The following CSMD1 variants were observed in gnomAD, a reference collection of about 807,000 sequenced individuals.
The protein encoded by CSMD1 is CUB and Sushi multiple domains 1.
CSMD1 carries 213 observed loss-of-function variants against 417.5 expected under a neutral mutation model. That is an observed-to-expected ratio of 0.51 (90% CI 0.46 to 0.57). CSMD1 has a LOEUF of 0.57. CSMD1 is among the 20% of genes least tolerant of loss of function. CSMD1 has a pLI of 0.00. For synonymous variants in CSMD1, 2,862 were observed against 1,736.8 expected (o/e 1.65, Z -16.11); for missense variants, 6,923 against 4,529.7 (o/e 1.53, Z -15.17).
chr8:3,128,029 G>GA (rs1817602603), intron 41 of CSMD1: 1 of 151,948 alleles, frequency 6.6e-6, no homozygotes, highest in Admixed American at 6.6e-5. Context: ...AAACCTAAAA[G>GA]AAAAGGAAGT....
intron 49 of CSMD1, among the ~76,000 whole-genome samples, chr8:3,055,349 A>G (rs1033121131): frequency 6.6e-6 from 1 of 152,202 alleles, no homozygotes; most frequent in Non-Finnish European, 1.5e-5. Flanking sequence ...TTTGAACCAC[A>G]GTGTTTAGCC....
intron 1 of CSMD1, among the ~76,000 whole-genome samples, chr8:4,976,506 C>A (rs1810569099): frequency 2.0e-5 from 3 of 152,038 alleles, no homozygotes; most frequent in Non-Finnish European, 4.4e-5. Context: ...GTTTTTTATC[C>A]TTACCTCTGT....
chr8:4,345,876 C>A (rs925211460), intron 3 of CSMD1, among the ~76,000 whole-genome samples: 1 of 152,108 alleles, frequency 6.6e-6, no homozygotes. Context: ...CACTGACAGG[C>A]AGACAGGTGA....
At chr8:3,293,469 G>C (rs1002798307) in intron 25 of CSMD1, among the ~76,000 whole-genome samples, 26 of 152,186 alleles carry the variant, frequency 1.7e-4, no homozygotes, top group African/African-American at 5.5e-4. Flanking sequence ...ACACCAATCA[G>C]ACGTAGATTC....
chr8:4,943,485 G>A (rs1466871313), intron 1 of CSMD1, among the ~76,000 whole-genome samples: 2 of 132,226 alleles, frequency 1.5e-5, no homozygotes, highest in South Asian at 5.4e-4. Context: ...GACAGAGTGA[G>A]ACACCGTCTC....
chr8:3,162,410 T>C (rs1819954522), intron 37 of CSMD1, 133 bp from the exon 38 acceptor site: 1 of 648,066 alleles, frequency 1.5e-6, no homozygotes. Context: ...TCTCTTGTTA[T>C]TCTACCAAGA....
At chr8:4,730,955 T>A (rs1047522713) in intron 1 of CSMD1, among the ~76,000 whole-genome samples, 1 of 152,054 alleles carries the variant, frequency 6.6e-6, no homozygotes, top group Non-Finnish European at 1.5e-5. Flanking sequence ...TTCCTGCCTA[T>A]TGGGGTGATT....
chr8:4,236,929 A>G (rs1482217339), intron 3 of CSMD1, among the ~76,000 whole-genome samples: 2 of 152,226 alleles, frequency 1.3e-5, no homozygotes, highest in Admixed American at 1.3e-4. Flanking sequence ...TTGTAATCAG[A>G]AACAAGTTCA....
At chr8:4,006,146 T>C (rs923294149) in intron 4 of CSMD1, among the ~76,000 whole-genome samples, 3 of 152,152 alleles carry the variant, frequency 2.0e-5, no homozygotes, top group African/African-American at 7.2e-5. Context: ...CCACAGATGA[T>C]TTATGTACTG....
At chr8:4,266,300 G>A (rs1366089736) in intron 3 of CSMD1, among the ~76,000 whole-genome samples, 1 of 104,536 alleles carries the variant, frequency 9.6e-6, no homozygotes, top group African/African-American at 2.6e-5. Context: ...TTCTATGTAA[G>A]AGAAACTGTC....
At chr8:4,136,687 T>A (rs920312198) in intron 3 of CSMD1, among the ~76,000 whole-genome samples, 1 of 152,148 alleles carries the variant, frequency 6.6e-6, no homozygotes, top group African/African-American at 2.4e-5. Context: ...GTGCTGTGAG[T>A]CTTCAGAGAC....
rs1362295990 is a variant in CSMD1, at chr8:4,744,156, T to C, written c.86-106598A>G. On this transcript the variant is annotated intron_variant, in intron 1 of 69. Coordinates refer to ENST00000635120, the MANE Select transcript of CSMD1 (RefSeq NM_033225.6). ...GGGACGCCAATTTCTTTGGGTTCCC[T>C]ATAAAGAGCGTCGCAGTCCAGGCCA... 2.6e-5 allele frequency among the ~76,000 whole-genome samples: 4 copies of C among 152,264 alleles called. No homozygotes were observed. The East Asian group carries it at 7.7e-4, about 29-fold the overall frequency.
chr8:4,289,242 T>C (rs1255659116), intron 3 of CSMD1, among the ~76,000 whole-genome samples: 2 of 152,230 alleles, frequency 1.3e-5, no homozygotes, highest in Admixed American at 1.3e-4. Context: ...CATATTGTTA[T>C]TCAACTGTTT....
At chr8:4,255,656 T>C (rs1803405216) in intron 3 of CSMD1, among the ~76,000 whole-genome samples, 3 of 152,206 alleles carry the variant, frequency 2.0e-5, no homozygotes, top group African/African-American at 7.2e-5. Flanking sequence ...TATTTTGGAC[T>C]TTGCTAATAT....
chr8:4,656,041 GT>G (rs1374306064), intron 1 of CSMD1, among the ~76,000 whole-genome samples: 1 of 152,092 alleles, frequency 6.6e-6, no homozygotes, highest in East Asian at 1.9e-4. Context: ...GAGATGAGTA[GT>G]GTTATGGAAG....
intron 1 of CSMD1, among the ~76,000 whole-genome samples, chr8:4,642,615 C>A (rs189849582): frequency 6.6e-6 from 1 of 152,284 alleles, no homozygotes; most frequent in Admixed American, 6.5e-5. Flanking sequence ...GCTGGGTGGG[C>A]ATTCTCAGAA....
intron 3 of CSMD1, among the ~76,000 whole-genome samples, chr8:4,367,919 T>C (rs1802178722): frequency 6.6e-6 from 1 of 152,190 alleles, no homozygotes; most frequent in African/African-American, 2.4e-5. Flanking sequence ...GAAACATTAC[T>C]GAAGTTGTTT....
intron 10 of CSMD1, among the ~76,000 whole-genome samples, chr8:3,504,969 G>T (rs551878308): frequency 6.6e-6 from 1 of 151,784 alleles, no homozygotes; most frequent in African/African-American, 2.4e-5. Context: ...AGATTAACCA[G>T]TGCACCAGGG....
rs184628674 is a variant in CSMD1, at chr8:3,874,144, G to A, written c.819-120102C>T. Among the ~76,000 whole-genome samples the A allele has an allele frequency of 1.3e-3, 204 of 152,252 alleles. No homozygotes were observed. In the Middle Eastern group the frequency reaches 0.014, roughly 10 times the overall value. ...CAGGAGGCCTACCCCTTCCCCTGGG[G>A]ATGCAATCTGCTATGTGCTATAAAG... On this transcript the variant is annotated intron_variant, in intron 5 of 69. Coordinates refer to ENST00000635120, the MANE Select transcript of CSMD1 (RefSeq NM_033225.6).
Sources: allele counts gnomAD v4.1 joint callset (sites outside exome capture counted in the v4.1 genomes callset), GRCh38; gene constraint gnomAD v4.1.1; transcripts MANE v1.5; gene names NCBI Gene and HGNC (gene_info 2026-07-23, HGNC 2026-07-21).